HS3ST1: variants seen among roughly 807,000 people sequenced by gnomAD.
The protein encoded by HS3ST1 is heparan sulfate glucosamine 3-O-sulfotransferase 1.
Under a neutral mutation model 20.7 loss-of-function variants are expected in HS3ST1, and 8 were observed. The ratio of observed to expected loss-of-function variants is 0.39; its 90% CI spans 0.23 to 0.70. HS3ST1 has a LOEUF of 0.70. Among genes scored for constraint, HS3ST1 ranks in the 30% least tolerant of loss-of-function variants. The pLI is 0.46. For missense variants in HS3ST1, 436 were observed against 423.4 expected (o/e 1.03, Z -0.26); for synonymous variants, 205 against 190.4 (o/e 1.08, Z -0.63).
intron 1 of HS3ST1, among the ~76,000 whole-genome samples, chr4:11,423,355 C>T (rs1203355235): frequency 6.6e-6 from 1 of 152,128 alleles, no homozygotes; most frequent in African/African-American, 2.4e-5. Flanking sequence ...ATCAAACTCC[C>T]ACATAGAAAA....
intron 1 of HS3ST1, among the ~76,000 whole-genome samples, chr4:11,420,135 T>A (rs16881629): frequency 0.23 from 34,930 of 152,144 alleles, 5,122 homozygotes; most frequent in African/African-American, 0.41. Flanking sequence ...TCAGGTTAAA[T>A]GAGGAGTCAC....
chr4:11,417,817 G>T (rs1253244883), intron 1 of HS3ST1, among the ~76,000 whole-genome samples: 1 of 152,196 alleles, frequency 6.6e-6, no homozygotes, highest in Non-Finnish European at 1.5e-5. Context: ...GCTGAAGACG[G>T]CAGTAAAAGA....
At chr4:11,425,328 C>T (rs531799615) in intron 1 of HS3ST1, among the ~76,000 whole-genome samples, 1 of 152,126 alleles carries the variant, frequency 6.6e-6, no homozygotes. Context: ...TTTACTTTTC[C>T]CCAGTGGAGT....
chr4:11,432,263 C>T (rs1463183839), upstream of HS3ST1, among the ~76,000 whole-genome samples: 1 of 152,146 alleles, frequency 6.6e-6, no homozygotes, highest in African/African-American at 2.4e-5. Context: ...TTGTAACCCC[C>T]AGTCTAGTGG....
chr4:11,416,608 G>A (rs753342029), intron 1 of HS3ST1, among the ~76,000 whole-genome samples: 1 of 152,208 alleles, frequency 6.6e-6, no homozygotes, highest in African/African-American at 2.4e-5. Context: ...CTGCTCATTC[G>A]AGTCTCTCAG....
intron 1 of HS3ST1, among the ~76,000 whole-genome samples, chr4:11,417,334 C>A (rs985341606): frequency 1.3e-5 from 2 of 152,184 alleles, no homozygotes; most frequent in Non-Finnish European, 2.9e-5. Context: ...TCCTGGGTGA[C>A]CACTGTCTGC....
intron 1 of HS3ST1, among the ~76,000 whole-genome samples, chr4:11,426,055 A>C (rs1297203931): frequency 6.6e-6 from 1 of 152,184 alleles, no homozygotes; most frequent in African/African-American, 2.4e-5. Context: ...TAACACAGGG[A>C]CCCAGGCTTA....
chr4:11,400,130 G>C lies in HS3ST1; in HGVS notation c.-108-17C>G. 7.0e-7 allele frequency: 1 copy of C among 1,425,750 alleles called. No homozygotes were observed. Among genetic ancestry groups the C allele is most frequent in the South Asian group, 1.5e-5 (1 of 65,654 alleles). 88.3% of individuals were successfully genotyped at this position (1,425,750 alleles called of 1,614,324 possible). A position where few individuals can be genotyped will look rare whatever the true frequency, so the allele number is the denominator to read the frequency against. On this transcript the variant is annotated splice_polypyrimidine_tract_variant and intron_variant, in intron 1 of 1. Transcript: ENST00000002596. ...CTTCAATTACTAGGGAACAAAAAGG[G>C]AAGATATTAACATATAACAAATACA... is the stretch of plus-strand genomic sequence containing the variant.
At chr4:11,409,701 C>A (rs548307088) in intron 1 of HS3ST1, among the ~76,000 whole-genome samples, 1 of 152,236 alleles carries the variant, frequency 6.6e-6, no homozygotes, top group East Asian at 1.9e-4. Context: ...CCCTAGCTGA[C>A]TAGTACATGG....
intron 1 of HS3ST1, among the ~76,000 whole-genome samples, chr4:11,403,964 A>T (rs1365388444): frequency 6.6e-6 from 1 of 152,256 alleles, no homozygotes; most frequent in South Asian, 2.1e-4. Context: ...TGTGTATAAC[A>T]TATGCATTCA....
In HS3ST1 at chr4:11,424,617, C is replaced by G. The variant is rs148642605; in HGVS notation, c.-109+4082G>C. Among the ~76,000 whole-genome samples the G allele has an allele frequency of 6.0e-3, 911 of 152,218 alleles. 6 individuals carry two copies. The highest frequency in any genetic ancestry group is 0.021 in the African/African-American group (875 of 41,514). On this transcript the variant is annotated intron_variant, in intron 1 of 1. Transcript: ENST00000002596. ...GGAAAATGAGAAGGAATGAAAGGAA[C>G]CTGGGCACCAGAGGCACATCAAGAT...
At chr4:11,408,859 G>A (rs1224176001) in intron 1 of HS3ST1, among the ~76,000 whole-genome samples, 1 of 152,214 alleles carries the variant, frequency 6.6e-6, no homozygotes. Flanking sequence ...CCTGCTCCAG[G>A]TATGACTGAG....
intron 1 of HS3ST1, among the ~76,000 whole-genome samples, chr4:11,410,140 C>A (rs1718579091): frequency 6.6e-6 from 1 of 152,248 alleles, no homozygotes; most frequent in African/African-American, 2.4e-5. Context: ...CAAACTCTTA[C>A]AAGACATCTA....
In HS3ST1 at chr4:11,409,560, G is replaced by A. The variant is rs1196285446; in HGVS notation, c.-108-9447C>T. On this transcript the variant is annotated intron_variant, in intron 1 of 1. Transcript: ENST00000002596. ...GCACAGGCAAAACGTGGCCCTCTGC[G>A]AGCAAGGAATGGGGTTTCATGAAGA... Among the ~76,000 whole-genome samples, 17 of 152,300 alleles carry A rather than the reference G, an allele frequency of 1.1e-4. No homozygotes were observed. In the East Asian group the frequency reaches 1.5e-3, roughly 14 times the overall value.
chr4:11,420,106 C>T (rs950499051), intron 1 of HS3ST1, among the ~76,000 whole-genome samples: 1 of 152,196 alleles, frequency 6.6e-6, no homozygotes, highest in African/African-American at 2.4e-5. Context: ...TTCATGTAAA[C>T]ACCCTGCTAG....
In HS3ST1 at chr4:11,399,641, G is replaced by A; in HGVS notation, c.365C>T (p.Ala122Val). The A allele has an allele frequency of 1.9e-6, 3 of 1,613,938 alleles. No homozygotes were observed. Among genetic ancestry groups the A allele is most frequent in the East Asian group, 2.2e-5 (1 of 44,866 alleles). ...PHQLTVEKTP[A>V]YFTSPKVPER... ...AGGCACTTTGGGCGACGTGAAATACGCGGGGGTCTTCTCCACTGTGAGCTG... is the reference window on the plus strand; with the variant it reads ...AGGCACTTTGGGCGACGTGAAATACACGGGGGTCTTCTCCACTGTGAGCTG... The change falls in exon 2 of 2, where the codon GCG (alanine) becomes GTG (valine). Residue 122 changes from alanine to valine, a missense_variant. Physicochemically the swap from Ala to Val is moderately conservative, Grantham distance 64. Coordinates refer to ENST00000002596, the MANE Select transcript of HS3ST1 (RefSeq NM_005114.4). The surrounding 1 kb of genome is among the most constrained non-coding windows in gnomAD (Gnocchi z 5.1).
At chr4:11,400,160 T>C (rs1718284540) in intron 1 of HS3ST1, 47 bp from the exon 2 acceptor site, 2 of 1,387,434 alleles carry the variant, frequency 1.4e-6, no homozygotes, top group Admixed American at 3.0e-5. Flanking sequence ...AATACAGGGA[T>C]AATTCAACTA....
At chr4:11,406,764 C>A (rs1210255276) in intron 1 of HS3ST1, among the ~76,000 whole-genome samples, 2 of 152,138 alleles carry the variant, frequency 1.3e-5, no homozygotes, top group Non-Finnish European at 2.9e-5. Flanking sequence ...TATGCGAGAA[C>A]TGCTTCTTTC....
chr4:11,402,510 A>G (rs2108881127), intron 1 of HS3ST1, among the ~76,000 whole-genome samples: 1 of 152,216 alleles, frequency 6.6e-6, no homozygotes, highest in African/African-American at 2.4e-5. Context: ...TGGCTCTTAC[A>G]TGTTTGAGAT....
Sources: gnomAD v4.1 joint callset for allele counts (sites outside exome capture counted in the v4.1 genomes callset) on GRCh38, gnomAD v4.1.1 for gene constraint, Gnocchi (gnomAD v3.1) non-coding constraint, MANE v1.5 for transcripts, NCBI Gene and HGNC (gene_info 2026-07-23, HGNC 2026-07-21) for gene names.